The following PDZD2 variants were observed in gnomAD, a reference collection of about 807,000 sequenced individuals.
PDZD2 encodes the protein PDZ domain-containing protein 2.
A neutral mutation model predicts 220.7 loss-of-function variants in PDZD2; 90 were observed. That is an observed-to-expected ratio of 0.41 (90% confidence interval 0.34 to 0.49). The LOEUF (loss-of-function observed/expected upper bound fraction) is 0.49, where lower values mean the gene tolerates loss of function less well. Ranked by LOEUF, PDZD2 falls within the 20% of genes least tolerant of loss-of-function variation. The pLI, the probability that PDZD2 is intolerant of heterozygous loss-of-function variation, is 0.28. For missense variants in PDZD2, 3,174 were observed against 3,608.5 expected, an observed-to-expected ratio of 0.88 and a Z score of 3.08; for synonymous variants, 1,375 against 1,450.5, an observed-to-expected ratio of 0.95 and a Z score of 1.18.
intron 6 of PDZD2, among the ~76,000 whole-genome samples, chr5:32,027,549 C>T (rs925838937): frequency 1.3e-5 from 2 of 152,160 alleles, no homozygotes; most frequent in Admixed American, 6.5e-5. Flanking sequence ...CGGCTCCCCC[C>T]ACTCCCAGCT....
intron 10 of PDZD2, among the ~76,000 whole-genome samples, chr5:32,056,672 G>T (rs1406579814): frequency 1.3e-5 from 2 of 152,178 alleles, no homozygotes; most frequent in Non-Finnish European, 2.9e-5. Flanking sequence ...GGGGCAGGGG[G>T]CCATGTGCGA....
At chr5:31,951,881 A>C (rs1045487661) in intron 2 of PDZD2, among the ~76,000 whole-genome samples, 1 of 152,216 alleles carries the variant, frequency 6.6e-6, no homozygotes, top group African/African-American at 2.4e-5. Flanking sequence ...TTTGAAAAAG[A>C]GTATGTATGT....
At chr5:31,744,049 A>G (rs1750433993) in intron 1 of PDZD2, 1 of 152,152 alleles carries the variant, frequency 6.6e-6, no homozygotes, top group Admixed American at 6.5e-5. Flanking sequence ...ATGTGGTAAG[A>G]GCTTTATACA....
rs138366354 is a variant in PDZD2, at chr5:31,869,895, G to A, written c.476+70171G>A. Among the ~76,000 whole-genome samples the A allele has an allele frequency of 4.4e-3, 676 of 152,264 alleles. 21 individuals are homozygous for A. Among genetic ancestry groups the A allele is most frequent in the Admixed American group, 0.038 (580 of 15,294 alleles). On this transcript the variant is annotated intron_variant, in intron 2 of 24. Transcript: ENST00000438447. ...ACCCCCTGTAGAAGGTGGTGATGGC[G>A]TCTGGGAGGATTCGTGCCCTCACAG...
chr5:31,814,986 T>TA (rs1373218115), intron 2 of PDZD2, among the ~76,000 whole-genome samples: 2 of 151,620 alleles, frequency 1.3e-5, no homozygotes, highest in Non-Finnish European at 2.9e-5. Context: ...CTCATGCCTA[T>TA]AATCCCTACA....
chr5:32,084,999 C>T (rs1429339772), intron 19 of PDZD2, among the ~76,000 whole-genome samples: 1 of 139,322 alleles, frequency 7.2e-6, no homozygotes, highest in African/African-American at 2.7e-5. Flanking sequence ...CTCTGTTGCC[C>T]AGGCTTGAAG....
At chr5:31,676,547 A>G (rs2150120860) in intron 1 of PDZD2, among the ~76,000 whole-genome samples, 1 of 151,580 alleles carries the variant, frequency 6.6e-6, no homozygotes, top group Non-Finnish European at 1.5e-5. Context: ...AGGGACTTGT[A>G]GAACAATTTC....
chr5:32,038,688 T>C (rs1755762614), intron 7 of PDZD2, among the ~76,000 whole-genome samples: 1 of 152,322 alleles, frequency 6.6e-6, no homozygotes, highest in South Asian at 2.1e-4. Flanking sequence ...CCCTCAGCAC[T>C]GTGCCTGCTG....
At chr5:31,927,942 C>T (rs1485166908) in intron 2 of PDZD2, among the ~76,000 whole-genome samples, 1 of 152,128 alleles carries the variant, frequency 6.6e-6, no homozygotes, top group African/African-American at 2.4e-5. Context: ...TGCCTTCCTC[C>T]ATCTTCACCA....
rs1352580283 is a variant in PDZD2 at position 31,646,129 on chromosome 5, C to G, written c.-361+6692C>G. 6.6e-6 allele frequency among the ~76,000 whole-genome samples: 1 copy of G among 152,142 alleles called. No individual in the cohort carries two copies. The highest frequency in any genetic ancestry group is 1.5e-5 in the Non-Finnish European group (1 of 68,028). On this transcript the variant is annotated intron_variant, in intron 1 of 24. Transcript: ENST00000438447. This position sits in a 1 kb window ranked among gnomAD's most constrained non-coding sequence, Gnocchi z 4.7. ...AAAATAAACACCAACTCTTTTGTCC[C>G]TTTCACCAAAGGCCAGCATGTTTCC... is the stretch of plus-strand genomic sequence containing the variant.
intron 1 of PDZD2, among the ~76,000 whole-genome samples, chr5:31,751,142 G>C (rs913327182): frequency 1.3e-5 from 2 of 151,872 alleles, no homozygotes; most frequent in South Asian, 4.2e-4. Context: ...CTCGGAGGCC[G>C]AAGCAGGAGA....
intron 5 of PDZD2, among the ~76,000 whole-genome samples, chr5:32,003,419 CA>C (rs1258643545): frequency 1.3e-3 from 65 of 49,968 alleles, no homozygotes; most frequent in Non-Finnish European, 3.4e-3. Context: ...TCCACACACA[CA>C]CCCCCCCCAC....
intron 2 of PDZD2, among the ~76,000 whole-genome samples, chr5:31,963,374 A>G (rs771780942): frequency 1.9e-4 from 29 of 152,248 alleles, no homozygotes; most frequent in Non-Finnish European, 4.0e-4. Context: ...TTTTGCCCAA[A>G]TATTTGTGAC....
intron 5 of PDZD2, among the ~76,000 whole-genome samples, chr5:32,002,865 C>A (rs55648607): frequency 0.58 from 64,581 of 111,798 alleles, 21,161 homozygotes; most frequent in Non-Finnish European, 0.73. Flanking sequence ...CACACACACC[C>A]CACATACCAC....
intron 1 of PDZD2, among the ~76,000 whole-genome samples, chr5:31,718,968 G>A (rs566395567): frequency 6.6e-6 from 1 of 152,218 alleles, no homozygotes; most frequent in African/African-American, 2.4e-5. Flanking sequence ...CCAAAGTACT[G>A]GGATTACAGG....
chr5:32,041,239 A>C (rs1351353057), intron 7 of PDZD2, among the ~76,000 whole-genome samples: 9 of 39,050 alleles, frequency 2.3e-4, no homozygotes, highest in South Asian at 1.0e-3. Context: ...CCGGCCGCCC[A>C]TCGTCTGGGA....
intron 2 of PDZD2, among the ~76,000 whole-genome samples, chr5:31,823,709 T>TA (rs770646748): frequency 9.9e-5 from 15 of 152,106 alleles, no homozygotes; most frequent in Non-Finnish European, 2.1e-4. Flanking sequence ...GCTTGGAAGA[T>TA]ATAGGAGCAG....
chr5:31,971,390 A>G (rs1749285010), intron 2 of PDZD2, among the ~76,000 whole-genome samples: 1 of 152,210 alleles, frequency 6.6e-6, no homozygotes, highest in Non-Finnish European at 1.5e-5. Context: ...AGCTAATCCC[A>G]TTCACGAGGC....
intron 1 of PDZD2, among the ~76,000 whole-genome samples, chr5:31,642,147 C>T (rs1276302565): frequency 6.6e-6 from 1 of 152,168 alleles, no homozygotes; most frequent in East Asian, 1.9e-4. Flanking sequence ...GCACCATCCA[C>T]AAGGGGACAA....
Sources: gnomAD v4.1 joint callset for allele counts (sites outside exome capture counted in the v4.1 genomes callset) on GRCh38, gnomAD v4.1.1 for gene constraint, Gnocchi (gnomAD v3.1) non-coding constraint, MANE v1.5 for transcripts, NCBI Gene and HGNC (gene_info 2026-07-23, HGNC 2026-07-21) for gene names.